Variants in NFX1 observed in about 807,000 individuals in gnomAD.
The protein encoded by NFX1 is transcriptional repressor NF-X1.
NFX1 carries 69 observed loss-of-function variants against 137.2 expected under a neutral mutation model. That is an observed-to-expected ratio of 0.50 (90% CI 0.41 to 0.61). The LOEUF (loss-of-function observed/expected upper bound fraction) is 0.61. NFX1 is among the 20% of genes least tolerant of loss of function. NFX1 has a pLI of 0.00. For missense variants in NFX1, 1,167 were observed against 1,391.0 expected (o/e 0.84, Z 2.56); for synonymous variants, 495 against 474.1 (o/e 1.04, Z -0.57).
chr9:33,295,100 A>C lies in NFX1; in HGVS notation c.706A>C (p.Asn236His). 1 of 1,614,140 alleles carries C rather than the reference A, an allele frequency of 6.2e-7. No homozygotes were observed. Among genetic ancestry groups the C allele is most frequent in the Non-Finnish European group, 8.5e-7 (1 of 1,180,032 alleles). Residue 236 changes from asparagine (N) to histidine (H), a missense_variant, in exon 2 of 24, where the codon AAT becomes CAT. Physicochemically the swap from Asn to His is moderately conservative, Grantham distance 68. Transcript: ENST00000379540. ...ATTGGATGGGTATGGAGCCAGACGA[A>C]ATGAGCAGAGAAGATACCCACAGAA... ...GVLDGYGARR[N>H]EQRRYPQKRP...
chr9:33,356,272 G>A (rs151319816), intron 19 of NFX1, among the ~76,000 whole-genome samples: 170 of 152,254 alleles, frequency 1.1e-3, no homozygotes, highest in African/African-American at 3.9e-3. Flanking sequence ...CCATTGGATA[G>A]CCTCATTTTT....
chr9:33,365,434 CCCTGT>C (rs1213694013), intron 21 of NFX1: 1 of 152,268 alleles, frequency 6.6e-6, no homozygotes, highest in Admixed American at 6.5e-5. Context: ...CGTGGCAAAA[CCCTGT>C]CTCTACAAAA....
chr9:33,305,903 T>C (rs1202786006), intron 4 of NFX1, among the ~76,000 whole-genome samples: 1 of 152,018 alleles, frequency 6.6e-6, no homozygotes, highest in Non-Finnish European at 1.5e-5. Flanking sequence ...GAATCACAGC[T>C]GAGAGGAGTA....
chr9:33,307,470 T>A (rs1244789372), intron 5 of NFX1, among the ~76,000 whole-genome samples, 171 bp downstream of exon 5: 1 of 152,260 alleles, frequency 6.6e-6, no homozygotes, highest in Non-Finnish European at 1.5e-5. Flanking sequence ...GTTAACTTGT[T>A]GAATCCTTAC....
chr9:33,360,615 A>G (rs974553067), intron 19 of NFX1, among the ~76,000 whole-genome samples: 1 of 152,208 alleles, frequency 6.6e-6, no homozygotes, highest in Admixed American at 6.5e-5. Flanking sequence ...TTATATCTAT[A>G]TATACACACA....
intron 2 of NFX1, among the ~76,000 whole-genome samples, chr9:33,298,466 T>C (rs1391492656): frequency 6.6e-6 from 1 of 152,210 alleles, no homozygotes; most frequent in Non-Finnish European, 1.5e-5. Context: ...AGGGATGTCA[T>C]GAACTTACAT....
At chr9:33,328,324 C>CT (rs1822673010) in intron 9 of NFX1, among the ~76,000 whole-genome samples, 1 of 152,032 alleles carries the variant, frequency 6.6e-6, no homozygotes, top group South Asian at 2.1e-4. Context: ...CACACTTGGC[C>CT]TTTTTTTGAC....
chr9:33,337,519 C>T (rs530190718), intron 11 of NFX1, among the ~76,000 whole-genome samples: 3 of 152,126 alleles, frequency 2.0e-5, no homozygotes, highest in Non-Finnish European at 2.9e-5. Flanking sequence ...TAAACACTAC[C>T]GTTGCTATTT....
At chr9:33,364,641 G>C in intron 20 of NFX1, 67 bp from the exon 21 acceptor site, 1 of 1,552,894 alleles carries the variant, frequency 6.4e-7, no homozygotes, top group Non-Finnish European at 8.7e-7. Context: ...TACAGGGAGA[G>C]GATGGGTGAA....
chr9:33,292,768 ACT>A (rs1255079323), intron 1 of NFX1, among the ~76,000 whole-genome samples: 1 of 151,822 alleles, frequency 6.6e-6, no homozygotes, highest in East Asian at 1.9e-4. Flanking sequence ...AACGAGAAAC[ACT>A]CTTTTCCTAT....
At chr9:33,315,330 T>A (rs1415953111) in intron 7 of NFX1, among the ~76,000 whole-genome samples, 1 of 152,220 alleles carries the variant, frequency 6.6e-6, no homozygotes, top group East Asian at 1.9e-4. Context: ...AGTCGCTGAT[T>A]AAACAGCCTG....
intron 9 of NFX1, among the ~76,000 whole-genome samples, chr9:33,322,056 C>T (rs1175247429): frequency 2.0e-5 from 3 of 151,742 alleles, no homozygotes; most frequent in African/African-American, 7.3e-5. Context: ...CAAAAATTAG[C>T]CAGGCATGGT....
chr9:33,335,559 T>C (rs1270898467), intron 11 of NFX1, among the ~76,000 whole-genome samples: 2 of 152,092 alleles, frequency 1.3e-5, no homozygotes, highest in Non-Finnish European at 2.9e-5. Flanking sequence ...TTTAAAAATA[T>C]GTTGAGACAG....
intron 2 of NFX1, among the ~76,000 whole-genome samples, chr9:33,297,950 A>G (rs887420656): frequency 1.3e-5 from 2 of 152,192 alleles, no homozygotes; most frequent in African/African-American, 4.8e-5. Flanking sequence ...TTAGAATTCT[A>G]TTTAACAAAT....
At chr9:33,348,084 C>T (rs1258440080) in intron 15 of NFX1, 1 of 152,442 alleles carries the variant, frequency 6.6e-6, no homozygotes, top group Admixed American at 6.5e-5. Flanking sequence ...AGCACGGTGG[C>T]TCATGCCTAT....
chr9:33,318,346 C>T (rs1822252339), intron 7 of NFX1, among the ~76,000 whole-genome samples: 1 of 152,226 alleles, frequency 6.6e-6, no homozygotes, highest in Non-Finnish European at 1.5e-5. Flanking sequence ...TCTCCTGTAA[C>T]ATCACCAGAG....
Position 33,365,157 on chromosome 9 carries a change from C to A in NFX1, c.3039+383C>A, listed in dbSNP as rs144790423. 912 of 211,928 alleles carry A rather than the reference C, an allele frequency of 4.3e-3. 9 individuals carry two copies. The highest frequency in any genetic ancestry group is 0.018 in the Middle Eastern group (8 of 452). The allele number at this position is 211,928 out of a possible 1,614,324, so 13.1% of individuals were successfully genotyped here. ...GGTGTGGTGGCGGGCACCTGTTATT[C>A]CAGCTACTTGCAAGGCTTAGGCAGG... On this transcript the variant is annotated intron_variant, in intron 21 of 23. Coordinates refer to ENST00000379540, the MANE Select transcript of NFX1 (RefSeq NM_002504.6).
At chr9:33,312,473 G>A (rs1473123543) in intron 6 of NFX1, among the ~76,000 whole-genome samples, 2 of 152,268 alleles carry the variant, frequency 1.3e-5, no homozygotes, top group Non-Finnish European at 2.9e-5. Context: ...AAAATATGGA[G>A]TTGAGATGAG....
intron 4 of NFX1, among the ~76,000 whole-genome samples, chr9:33,304,192 G>T (rs1303297156): frequency 6.6e-6 from 1 of 152,182 alleles, no homozygotes; most frequent in Non-Finnish European, 1.5e-5. Flanking sequence ...AACCTGGGAG[G>T]CAGAGGTTGC....
Sources: allele counts gnomAD v4.1 joint callset (sites outside exome capture counted in the v4.1 genomes callset), GRCh38; gene constraint gnomAD v4.1.1; transcripts MANE v1.5; gene names NCBI Gene and HGNC (gene_info 2026-07-23, HGNC 2026-07-21).